The following CTNND2 variants were observed in gnomAD, a reference collection of about 807,000 sequenced individuals.
CTNND2 encodes catenin delta 2, also known as catenin delta-2.
CTNND2 carries 22 observed loss-of-function variants against 144.4 expected under a neutral mutation model. The ratio of observed to expected loss-of-function variants is 0.15; its 90% CI spans 0.11 to 0.22. CTNND2 has a LOEUF of 0.22. Among genes scored for constraint, CTNND2 ranks in the 10% least tolerant of loss-of-function variants. The probability of loss-of-function intolerance (pLI) is 1.00; values close to 1 mark genes in which losing one functional copy is unlikely to be tolerated. For missense variants in CTNND2, 1,353 were observed against 1,618.8 expected (o/e 0.84, Z 2.82); for synonymous variants, 751 against 695.6 (o/e 1.08, Z -1.25).
At chr5:11,748,653 ACT>A (rs1192190720) in intron 1 of CTNND2, among the ~76,000 whole-genome samples, 4 of 151,870 alleles carry the variant, frequency 2.6e-5, no homozygotes, top group African/African-American at 9.7e-5. Context: ...TCCAAATAAG[ACT>A]CTCAGATATT....
At chr5:11,637,945 G>GT (rs1781800829) in intron 2 of CTNND2, among the ~76,000 whole-genome samples, 1 of 152,008 alleles carries the variant, frequency 6.6e-6, no homozygotes, top group Non-Finnish European at 1.5e-5. Context: ...AACGAATACC[G>GT]TATCAGTCAT....
chr5:11,676,371 A>G (rs967100966), intron 2 of CTNND2, among the ~76,000 whole-genome samples: 1 of 152,094 alleles, frequency 6.6e-6, no homozygotes, highest in Admixed American at 6.6e-5. Flanking sequence ...CACGTATCAT[A>G]TATCTTTAGT....
intron 11 of CTNND2, among the ~76,000 whole-genome samples, chr5:11,193,024 G>T (rs542635619): frequency 1.3e-5 from 2 of 152,272 alleles, no homozygotes; most frequent in Non-Finnish European, 2.9e-5. Context: ...GTGAGAGGAG[G>T]GAGAACTGAC....
At chr5:11,409,964 T>C (rs1370282154) in intron 5 of CTNND2, among the ~76,000 whole-genome samples, 2 of 152,108 alleles carry the variant, frequency 1.3e-5, no homozygotes, top group Non-Finnish European at 2.9e-5. Context: ...GTACTTTCCA[T>C]TTATTAAATG....
At chr5:11,370,337 C>T (rs2149780766) in intron 7 of CTNND2, among the ~76,000 whole-genome samples, 1 of 152,198 alleles carries the variant, frequency 6.6e-6, no homozygotes, top group African/African-American at 2.4e-5. Context: ...TGGGATGCAT[C>T]AATGCACATT....
chr5:11,155,616 C>T (rs939741165), intron 12 of CTNND2, among the ~76,000 whole-genome samples: 3 of 152,084 alleles, frequency 2.0e-5, no homozygotes, highest in African/African-American at 4.8e-5. Flanking sequence ...TGATCACCCA[C>T]AGCTCTAACC....
At chr5:11,873,289 GAT>G (rs1735300862) in intron 1 of CTNND2, among the ~76,000 whole-genome samples, 1 of 152,116 alleles carries the variant, frequency 6.6e-6, no homozygotes, top group Non-Finnish European at 1.5e-5. Context: ...TTAATATAAT[GAT>G]ATGACTCAAA....
At chr5:11,353,162 G>T (rs1755503231) in intron 8 of CTNND2, among the ~76,000 whole-genome samples, 1 of 150,554 alleles carries the variant, frequency 6.6e-6, no homozygotes, top group Non-Finnish European at 1.5e-5. Flanking sequence ...TTCCCATTGT[G>T]CCAACTACCA....
chr5:11,653,314 G>C (rs941632545), intron 2 of CTNND2, among the ~76,000 whole-genome samples: 1 of 152,016 alleles, frequency 6.6e-6, no homozygotes, highest in African/African-American at 2.4e-5. Context: ...TTCGTTTTTT[G>C]AGAAAATGCC....
intron 10 of CTNND2, 126 bp downstream of exon 10, chr5:11,236,565 T>G (rs780200248): frequency 1.4e-5 from 15 of 1,056,962 alleles, no homozygotes; most frequent in Middle Eastern, 2.7e-4. Context: ...GTTCTAGTCA[T>G]AAATATAGAT....
intron 1 of CTNND2, among the ~76,000 whole-genome samples, chr5:11,874,050 G>A (rs1423118062): frequency 6.6e-6 from 1 of 152,106 alleles, no homozygotes; most frequent in Non-Finnish European, 1.5e-5. Flanking sequence ...GAAATGGTAG[G>A]CATATTTACA....
At chr5:11,802,401 C>T (rs1791743466) in intron 1 of CTNND2, among the ~76,000 whole-genome samples, 1 of 151,698 alleles carries the variant, frequency 6.6e-6, no homozygotes, top group African/African-American at 2.4e-5. Context: ...AACCCCGTCC[C>T]TACTAAAAGT....
Position 11,411,612 on chromosome 5 carries a change from G to C in CTNND2, c.363C>G (p.Leu121=). ...ACCTAATACAGGAGTCCACCAGCTC[G>C]AGACCTGTTGTAAGCTCATCTTCGA... The part of the protein sequence containing the change: ...KDIEDELTTG[L]ELVDSCIRSL... Residue 121 remains leucine, a synonymous_variant, in exon 5 of 22, where the codon CTC becomes CTG. Coordinates refer to ENST00000304623, the MANE Select transcript of CTNND2 (RefSeq NM_001332.4). 1 of 1,612,320 alleles carries C rather than the reference G, an allele frequency of 6.2e-7. No homozygotes were observed. Among genetic ancestry groups the C allele is most frequent in the East Asian group, 2.2e-5 (1 of 44,828 alleles).
intron 12 of CTNND2, among the ~76,000 whole-genome samples, chr5:11,133,039 A>C (rs2149721666): frequency 6.6e-6 from 1 of 152,306 alleles, no homozygotes; most frequent in Admixed American, 6.5e-5. Context: ...AAAACAGACA[A>C]ACCATGTTTT....
intron 3 of CTNND2, among the ~76,000 whole-genome samples, chr5:11,452,923 G>GA (rs2149916349): frequency 6.6e-6 from 1 of 152,266 alleles, no homozygotes; most frequent in African/African-American, 2.4e-5. Context: ...ACTTTCTCCA[G>GA]AAAAATCTTA....
chr5:10,980,004 C>A (rs1306962026), intron 21 of CTNND2, among the ~76,000 whole-genome samples: 1 of 152,124 alleles, frequency 6.6e-6, no homozygotes, highest in African/African-American at 2.4e-5. Flanking sequence ...GCAAAGACTT[C>A]ATGTCCAAAA....
At chr5:10,992,052 G>T (rs1738739137) in intron 19 of CTNND2, among the ~76,000 whole-genome samples, 1 of 152,280 alleles carries the variant, frequency 6.6e-6, no homozygotes, top group East Asian at 1.9e-4. Context: ...CGAGTAGCTG[G>T]GATTACAGGC....
At chr5:11,566,277 A>T (rs1777091539) in intron 2 of CTNND2, among the ~76,000 whole-genome samples, 1 of 152,188 alleles carries the variant, frequency 6.6e-6, no homozygotes, top group South Asian at 2.1e-4. Flanking sequence ...CTGAGGGAAC[A>T]TTTTGTTTTT....
intron 9 of CTNND2, among the ~76,000 whole-genome samples, chr5:11,253,616 T>C (rs1743901457): frequency 6.6e-6 from 1 of 152,190 alleles, no homozygotes; most frequent in Admixed American, 6.5e-5. Flanking sequence ...TTTTTCTTTA[T>C]AAATTACCCA....
Sources: gnomAD v4.1 joint callset for allele counts (sites outside exome capture counted in the v4.1 genomes callset) on GRCh38, gnomAD v4.1.1 for gene constraint, MANE v1.5 for transcripts, NCBI Gene and HGNC (gene_info 2026-07-23, HGNC 2026-07-21) for gene names.